Variants in RXRA observed in about 807,000 individuals in gnomAD.
RXRA encodes retinoid X receptor alpha.
A neutral mutation model predicts 44.5 loss-of-function variants in RXRA; 5 were observed. The ratio of observed to expected loss-of-function variants is 0.11; its 90% CI spans 0.06 to 0.24. The LOEUF is 0.24. Among genes scored for constraint, RXRA ranks in the 10% least tolerant of loss-of-function variants. RXRA has a pLI of 1.00. For synonymous variants in RXRA, 291 were observed against 271.4 expected, an observed-to-expected ratio of 1.07 and a Z score of -0.71; for missense variants, 412 against 646.5, an observed-to-expected ratio of 0.64 and a Z score of 3.93.
chr9:134,436,098 G>T (rs1380372978), intron 9 of RXRA, among the ~76,000 whole-genome samples: 1 of 152,144 alleles, frequency 6.6e-6, no homozygotes, highest in African/African-American at 2.4e-5. Context: ...CTCCCACCTC[G>T]GCCTCTCAAA....
intron 1 of RXRA, among the ~76,000 whole-genome samples, chr9:134,339,883 C>T (rs1342879957): frequency 6.7e-6 from 1 of 148,276 alleles, no homozygotes; most frequent in African/African-American, 2.5e-5. Context: ...ACATCCATGC[C>T]CTTGTGTGAG....
rs746084751 is a variant in RXRA at position 134,401,813 on chromosome 9, C to T, written c.210C>T (p.Ser70=). The T allele has an allele frequency of 1.2e-6, 2 of 1,612,938 alleles. No homozygotes were observed. The highest frequency in any genetic ancestry group is 1.7e-6 in the Non-Finnish European group (2 of 1,179,762). ...GMGPPFSVIS[S]PMGPHSMSVP... is the part of the protein sequence containing the mutation. Reference sequence around the variant, plus strand: ...GCCCGCCTTTCTCGGTCATCAGCTCCCCCATGGGCCCCCACTCCATGTCGG... The same window carrying T: ...GCCCGCCTTTCTCGGTCATCAGCTCTCCCATGGGCCCCCACTCCATGTCGG... The change falls in exon 2 of 10, where the codon TCC becomes TCT. Residue 70 remains serine, a synonymous_variant. Transcript: ENST00000481739.
At chr9:134,370,106 AC>A (rs1830472120) in intron 1 of RXRA, among the ~76,000 whole-genome samples, 1 of 152,030 alleles carries the variant, frequency 6.6e-6, no homozygotes, top group African/African-American at 2.4e-5. Flanking sequence ...ACTCCCTGGG[AC>A]CCAGCTGGGA....
At chr9:134,386,533 T>C (rs976265999) in intron 1 of RXRA, among the ~76,000 whole-genome samples, 1 of 151,350 alleles carries the variant, frequency 6.6e-6, no homozygotes, top group Non-Finnish European at 1.5e-5. Context: ...GCTGGGGAGG[T>C]ATGGGGGCCA....
At position 134,379,644 on chromosome 9, in the gene RXRA, C is replaced by T. The variant is rs1031819160; in HGVS notation, c.29-21988C>T. 7.1e-6 allele frequency: 7 copies of T among 985,182 alleles called. No individual in the cohort carries two copies. The African/African-American group carries it at 1.0e-4, about 15-fold the overall frequency. 61.0% of individuals were successfully genotyped at this position (985,182 alleles called of 1,614,324 possible). A position where few individuals can be genotyped will look rare whatever the true frequency, so the allele number is the denominator to read the frequency against. On this transcript the variant is annotated intron_variant, in intron 1 of 9. Transcript: ENST00000481739. ...CTCACCCTCCTGCTCCAGCCCCTCT[C>T]TGACCCCACCCTGCGGTCCTGGGAG...
chr9:134,429,651 C>T (rs532194129), intron 7 of RXRA, among the ~76,000 whole-genome samples: 1 of 152,332 alleles, frequency 6.6e-6, no homozygotes, highest in African/African-American at 2.4e-5. Context: ...GGCCTAACGC[C>T]TGTCCCCGTG....
At chr9:134,431,178 G>A (rs539036139) in intron 7 of RXRA, among the ~76,000 whole-genome samples, 5 of 152,378 alleles carry the variant, frequency 3.3e-5, no homozygotes, top group Non-Finnish European at 7.3e-5. Flanking sequence ...CCTGGACACA[G>A]CAGTTGAGCT....
intron 1 of RXRA, among the ~76,000 whole-genome samples, chr9:134,350,007 C>T (rs1443818929): frequency 6.6e-6 from 1 of 152,014 alleles, no homozygotes; most frequent in African/African-American, 2.4e-5. Flanking sequence ...TGATTCATGC[C>T]TCTTTCCAGA....
chr9:134,417,332 G>A lies in RXRA; in HGVS notation c.780+5G>A. 6.2e-7 allele frequency: 1 copy of A among 1,612,792 alleles called. No individual in the cohort carries two copies. Among genetic ancestry groups the A allele is most frequent in the Non-Finnish European group, 8.5e-7 (1 of 1,179,518 alleles). ...ATGGGGCTGAACCCCAGCTCGGTGA[G>A]TTGCAGCCTGTGCAGGGGTGGGCAG... On this transcript the variant is annotated splice_donor_5th_base_variant and intron_variant, in intron 5 of 9. Transcript: ENST00000481739. The surrounding 1 kb of genome is among the most constrained non-coding windows in gnomAD (Gnocchi z 6.1).
chr9:134,328,176 A>G (rs1554746247), intron 1 of RXRA, among the ~76,000 whole-genome samples: 1 of 152,192 alleles, frequency 6.6e-6, no homozygotes, highest in African/African-American at 2.4e-5. Flanking sequence ...ACATCCACAC[A>G]CACAGAGCTA....
chr9:134,401,923 G>A (rs775144013), intron 2 of RXRA, 41 bp downstream of exon 2: 1 of 1,472,908 alleles, frequency 6.8e-7, no homozygotes, highest in East Asian at 2.4e-5. Flanking sequence ...GTGGGGCCTG[G>A]GGTGGGGCTG....
rs996522112 is a variant in RXRA at position 134,431,691 on chromosome 9, G to A, written c.1044-214G>A. Among the ~76,000 whole-genome samples, 24 of 152,002 alleles carry A rather than the reference G, an allele frequency of 1.6e-4. 1 individual carries two copies. The highest frequency in any genetic ancestry group is 7.2e-4 in the Admixed American group (11 of 15,294). Reference sequence around the variant, plus strand: ...GGGAGAGGAGAGGAGCCCACCCTCCGGGCAGGGCCAGGCAGGCCTGGCAGG... The same window carrying A: ...GGGAGAGGAGAGGAGCCCACCCTCCAGGCAGGGCCAGGCAGGCCTGGCAGG... On this transcript the variant is annotated intron_variant, in intron 7 of 9. Transcript: ENST00000481739.
intron 1 of RXRA, among the ~76,000 whole-genome samples, chr9:134,393,813 A>C (rs1588284042): frequency 6.6e-6 from 1 of 151,880 alleles, no homozygotes; most frequent in Non-Finnish European, 1.5e-5. Context: ...TGTGCTTCCC[A>C]CTTCCCTCAC....
At chr9:134,336,122 T>C (rs1294312785) in intron 1 of RXRA, among the ~76,000 whole-genome samples, 2 of 151,872 alleles carry the variant, frequency 1.3e-5, no homozygotes, top group Non-Finnish European at 2.9e-5. Context: ...TCGTCAGGGG[T>C]GCCAGGTCAC....
rs1284487833 is a variant in RXRA at position 134,365,736 on chromosome 9, G to A, written c.29-35896G>A. ...CCCTGAGGGGCCCGGCAGAGTCTCG[G>A]TGGGTCTCGGTGGGGCCAGCTGTCG... On this transcript the variant is annotated intron_variant, in intron 1 of 9. Transcript: ENST00000481739. The surrounding 1 kb of genome is among the most constrained non-coding windows in gnomAD (Gnocchi z 4.0). 6.6e-6 allele frequency among the ~76,000 whole-genome samples: 1 copy of A among 152,060 alleles called. No homozygotes were observed. The highest frequency in any genetic ancestry group is 1.9e-4 in the East Asian group (1 of 5,182).
intron 6 of RXRA, chr9:134,425,451 A>G: frequency 2.0e-6 from 2 of 983,782 alleles, no homozygotes; most frequent in Non-Finnish European, 2.4e-6. Flanking sequence ...TGCCCCCTTC[A>G]TCCCAGGCTG....
At chr9:134,369,821 C>T (rs1341735776) in intron 1 of RXRA, among the ~76,000 whole-genome samples, 2 of 152,098 alleles carry the variant, frequency 1.3e-5, no homozygotes, top group Non-Finnish European at 2.9e-5. Context: ...TCCAGAGGTC[C>T]CCTCCTCCTA....
chr9:134,330,008 G>A (rs1016525998), intron 1 of RXRA, among the ~76,000 whole-genome samples: 2 of 152,206 alleles, frequency 1.3e-5, no homozygotes, highest in African/African-American at 4.8e-5. Context: ...GGGGCGGGGT[G>A]AAAGCTTTAC....
intron 1 of RXRA, chr9:134,379,699 G>C: frequency 1.0e-6 from 1 of 985,410 alleles, no homozygotes; most frequent in Non-Finnish European, 1.2e-6. Context: ...ATGCGGATGA[G>C]AAAACCTGAG....
Sources: allele counts gnomAD v4.1 joint callset (sites outside exome capture counted in the v4.1 genomes callset), GRCh38; gene constraint gnomAD v4.1.1; non-coding constraint Gnocchi (gnomAD v3.1); transcripts MANE v1.5; gene names NCBI Gene and HGNC (gene_info 2026-07-23, HGNC 2026-07-21).